DOCK4: variants seen among roughly 807,000 people sequenced by gnomAD.
The protein encoded by DOCK4 is dedicator of cytokinesis protein 4.
A neutral mutation model predicts 268.1 loss-of-function variants in DOCK4; 97 were observed. The observed-to-expected ratio is 0.36, with a 90% CI of 0.31 to 0.43. The LOEUF (loss-of-function observed/expected upper bound fraction) is 0.43, where lower values mean the gene tolerates loss of function less well. Ranked by LOEUF, DOCK4 falls within the 20% of genes least tolerant of loss-of-function variation. The probability of loss-of-function intolerance (pLI) is 1.00; values close to 1 mark genes in which losing one functional copy is unlikely to be tolerated. For synonymous variants in DOCK4, 954 were observed against 887.2 expected (o/e 1.08, Z -1.34); for missense variants, 2,145 against 2,455.7 (o/e 0.87, Z 2.67).
At chr7:112,010,205 G>C (rs1047470254) in intron 1 of DOCK4, among the ~76,000 whole-genome samples, 2 of 152,138 alleles carry the variant, frequency 1.3e-5, no homozygotes, top group Non-Finnish European at 2.9e-5. Flanking sequence ...TTCTACATAT[G>C]TACAAAACCC....
chr7:111,991,839 T>C (rs749331645), intron 5 of DOCK4, among the ~76,000 whole-genome samples: 46 of 151,756 alleles, frequency 3.0e-4, no homozygotes, highest in Middle Eastern at 3.4e-3. Flanking sequence ...GTGGTAGCTG[T>C]AGTCCCAGCT....
chr7:111,875,089 C>T (rs934972108), intron 17 of DOCK4, among the ~76,000 whole-genome samples: 5 of 152,208 alleles, frequency 3.3e-5, no homozygotes, highest in Non-Finnish European at 7.3e-5. Flanking sequence ...TCCTTCCCAT[C>T]TCTTGAAACA....
intron 13 of DOCK4, 106 bp from the exon 14 acceptor site, chr7:111,901,907 C>A: frequency 1.3e-6 from 1 of 749,620 alleles, no homozygotes; most frequent in Non-Finnish European, 2.1e-6. Context: ...GCTATACATA[C>A]ATATAAAAGT....
intron 16 of DOCK4, among the ~76,000 whole-genome samples, chr7:111,894,335 A>G (rs1808549131): frequency 6.6e-6 from 1 of 152,190 alleles, no homozygotes; most frequent in Non-Finnish European, 1.5e-5. Flanking sequence ...TCATTCAATA[A>G]TCTTCACTGA....
At chr7:112,094,351 C>T (rs533730511) in intron 1 of DOCK4, among the ~76,000 whole-genome samples, 1 of 152,288 alleles carries the variant, frequency 6.6e-6, no homozygotes, top group East Asian at 1.9e-4. Context: ...TCAGCAAGCC[C>T]ATTCCTTCCC....
chr7:111,917,770 A>G (rs79768756), intron 12 of DOCK4, among the ~76,000 whole-genome samples: 2,444 of 152,210 alleles, frequency 0.016, 71 homozygotes, highest in African/African-American at 0.056. Flanking sequence ...ACATCGTCAG[A>G]TTTAGAACCT....
intron 1 of DOCK4, among the ~76,000 whole-genome samples, chr7:112,032,885 A>G (rs1000515396): frequency 6.6e-6 from 1 of 152,178 alleles, no homozygotes; most frequent in Admixed American, 6.6e-5. Flanking sequence ...AAGACATCCT[A>G]ATCTCTGAGG....
At chr7:112,094,134 A>G (rs1006837803) in intron 1 of DOCK4, among the ~76,000 whole-genome samples, 2 of 152,128 alleles carry the variant, frequency 1.3e-5, no homozygotes, top group African/African-American at 4.8e-5. Flanking sequence ...AAACAAATTT[A>G]GCATTCATTT....
At chr7:112,190,001 C>G (rs1387758648) in intron 1 of DOCK4, among the ~76,000 whole-genome samples, 3 of 152,178 alleles carry the variant, frequency 2.0e-5, no homozygotes, top group Non-Finnish European at 4.4e-5. Context: ...ACTTCTCTCA[C>G]AAACACTTGT....
At chr7:112,068,304 G>T (rs1051579441) in intron 1 of DOCK4, among the ~76,000 whole-genome samples, 5 of 152,126 alleles carry the variant, frequency 3.3e-5, no homozygotes, top group African/African-American at 1.2e-4. Context: ...CAATGTTAGA[G>T]CACCCTGTAA....
chr7:111,814,082 C>T (rs1212711182), intron 27 of DOCK4, among the ~76,000 whole-genome samples: 1 of 152,164 alleles, frequency 6.6e-6, no homozygotes, highest in African/African-American at 2.4e-5. Flanking sequence ...AGACACAATA[C>T]CTCTGGTGTT....
At chr7:112,024,109 A>G (rs1302949081) in intron 1 of DOCK4, among the ~76,000 whole-genome samples, 1 of 152,220 alleles carries the variant, frequency 6.6e-6, no homozygotes, top group Non-Finnish European at 1.5e-5. Flanking sequence ...TTATATATGT[A>G]TCTTTGAGGA....
chr7:112,068,985 A>T (rs1807334788), intron 1 of DOCK4, among the ~76,000 whole-genome samples: 1 of 152,230 alleles, frequency 6.6e-6, no homozygotes, highest in African/African-American at 2.4e-5. Context: ...AGAATTTCCA[A>T]CTTCTATCTC....
intron 1 of DOCK4, among the ~76,000 whole-genome samples, chr7:112,059,907 T>G (rs531506642): frequency 2.0e-5 from 3 of 152,286 alleles, no homozygotes; most frequent in South Asian, 2.1e-4. Context: ...AGAAGAAAGA[T>G]GATACATTTA....
chr7:112,117,008 T>A (rs1404913942), intron 1 of DOCK4, among the ~76,000 whole-genome samples: 1 of 152,228 alleles, frequency 6.6e-6, no homozygotes, highest in African/African-American at 2.4e-5. Context: ...TTAGTGTGTT[T>A]CCTCTGAAAG....
intron 51 of DOCK4, 124 bp from the exon 52 acceptor site, chr7:111,732,411 G>C (rs74504826): frequency 0.039 from 36,126 of 925,558 alleles, 894 homozygotes; most frequent in South Asian, 0.076. Context: ...CTAAGCAAAG[G>C]GGGTGGTGAG....
chr7:112,200,581 T>C (rs770454994), intron 1 of DOCK4, among the ~76,000 whole-genome samples: 3 of 152,074 alleles, frequency 2.0e-5, no homozygotes, highest in African/African-American at 4.8e-5. Flanking sequence ...GTCACTGTGA[T>C]AGAAACATAG....
intron 1 of DOCK4, among the ~76,000 whole-genome samples, chr7:112,178,230 AG>A (rs1467547207): frequency 6.6e-6 from 1 of 152,210 alleles, no homozygotes; most frequent in African/African-American, 2.4e-5. Context: ...TCAAGATTTA[AG>A]GACTTTGGCT....
intron 27 of DOCK4, among the ~76,000 whole-genome samples, chr7:111,813,770 A>G (rs541722643): frequency 7.9e-5 from 12 of 152,348 alleles, no homozygotes; most frequent in African/African-American, 2.9e-4. Context: ...TGGAAAAATC[A>G]ATGATAACTG....
Sources: gnomAD v4.1 joint callset for allele counts (sites outside exome capture counted in the v4.1 genomes callset) on GRCh38, gnomAD v4.1.1 for gene constraint, MANE v1.5 for transcripts, NCBI Gene and HGNC (gene_info 2026-07-23, HGNC 2026-07-21) for gene names.